The following PMEPA1 variants were observed in gnomAD, a reference collection of about 807,000 sequenced individuals.
PMEPA1 encodes protein TMEPAI.
Under a neutral mutation model 23.0 loss-of-function variants are expected in PMEPA1, and 11 were observed. That is an observed-to-expected ratio of 0.48 (90% confidence interval 0.30 to 0.79). The LOEUF (loss-of-function observed/expected upper bound fraction) is 0.79. Ranked by LOEUF, PMEPA1 falls within the 30% of genes least tolerant of loss-of-function variation. The pLI, the probability that PMEPA1 is intolerant of heterozygous loss-of-function variation, is 0.06. For synonymous variants in PMEPA1, 204 were observed against 166.4 expected (o/e 1.23, Z -1.74); for missense variants, 377 against 390.9 (o/e 0.96, Z 0.30).
chr20:57,657,166 C>T (rs1300655942), intron 2 of PMEPA1, among the ~76,000 whole-genome samples: 4 of 152,190 alleles, frequency 2.6e-5, no homozygotes, highest in Non-Finnish European at 5.9e-5. Flanking sequence ...GTACGGTACA[C>T]TCTCCACTAA....
At chr20:57,706,387 G>A (rs1027862018) in intron 1 of PMEPA1, among the ~76,000 whole-genome samples, 7 of 152,154 alleles carry the variant, frequency 4.6e-5, no homozygotes, top group Non-Finnish European at 1.0e-4. Context: ...AAAAGTAGCC[G>A]CTTCAAGCTC....
At chr20:57,710,121 G>A (rs1021938443), upstream of PMEPA1, 3 of 808,128 alleles carry the variant, frequency 3.7e-6, no homozygotes, top group African/African-American at 3.6e-5. Context: ...TCCCCGAGCC[G>A]GGGGGCGGGG....
At chr20:57,689,480 C>T (rs1330455617) in intron 1 of PMEPA1, among the ~76,000 whole-genome samples, 3 of 152,190 alleles carry the variant, frequency 2.0e-5, no homozygotes, top group Admixed American at 2.0e-4. Context: ...GACACCACCC[C>T]GTTCCTCCTG....
chr20:57,706,623 C>T (rs1372068498), intron 1 of PMEPA1, among the ~76,000 whole-genome samples: 2 of 152,140 alleles, frequency 1.3e-5, no homozygotes, highest in Admixed American at 6.5e-5. Flanking sequence ...TGGCTCCCGG[C>T]GTACAAAGGG....
In PMEPA1 at chr20:57,689,352, G is replaced by A. The variant is rs530849397; in HGVS notation, c.109+20122C>T. 3.3e-5 allele frequency among the ~76,000 whole-genome samples: 5 copies of A among 152,282 alleles called. No individual in the cohort carries two copies. In the East Asian group the frequency reaches 5.8e-4, roughly 18 times the overall value. ...GAGTGTCTAGACCGCCAGTCTGAACGTGAGAAGGGGGTATTGTGTGACCAG... is the reference window on the plus strand; with the variant it reads ...GAGTGTCTAGACCGCCAGTCTGAACATGAGAAGGGGGTATTGTGTGACCAG... On this transcript the variant is annotated intron_variant, in intron 1 of 3. Coordinates refer to ENST00000341744, the MANE Select transcript of PMEPA1 (RefSeq NM_020182.5).
At chr20:57,654,527 CCTCGT>C (rs1198005157) in intron 2 of PMEPA1, among the ~76,000 whole-genome samples, 1 of 152,098 alleles carries the variant, frequency 6.6e-6, no homozygotes, top group Non-Finnish European at 1.5e-5. Context: ...GTCTTAACTG[CCTCGT>C]CTCCTGATTT....
intron 1 of PMEPA1, among the ~76,000 whole-genome samples, chr20:57,663,405 C>G (rs572171601): frequency 4.9e-4 from 74 of 152,172 alleles, no homozygotes; most frequent in African/African-American, 1.7e-3. Context: ...CGCAGTCTCC[C>G]TGTGTCAGCG....
At chr20:57,698,113 C>A (rs972755857) in intron 1 of PMEPA1, among the ~76,000 whole-genome samples, 2 of 152,170 alleles carry the variant, frequency 1.3e-5, no homozygotes, top group Admixed American at 1.3e-4. Flanking sequence ...GGGCATCCCT[C>A]CCGTGTCAGC....
intron 1 of PMEPA1, among the ~76,000 whole-genome samples, chr20:57,677,721 G>C (rs1400714226): frequency 6.6e-6 from 1 of 152,188 alleles, no homozygotes; most frequent in Non-Finnish European, 1.5e-5. Flanking sequence ...ACAAAAACCT[G>C]TGCATGAGTG....
intron 1 of PMEPA1, among the ~76,000 whole-genome samples, chr20:57,701,950 C>T (rs536409236): frequency 1.2e-4 from 18 of 152,234 alleles, no homozygotes; most frequent in African/African-American, 3.9e-4. Context: ...CACAAAGATT[C>T]GATTACTGCC....
At chr20:57,659,412 C>G in intron 2 of PMEPA1, 131 bp downstream of exon 2, 1 of 986,630 alleles carries the variant, frequency 1.0e-6, no homozygotes, top group African/African-American at 1.6e-5. Flanking sequence ...GTCAGGTGGG[C>G]TCCCCAGCCC....
chr20:57,689,792 C>T (rs541787111), intron 1 of PMEPA1, among the ~76,000 whole-genome samples: 104 of 152,066 alleles, frequency 6.8e-4, no homozygotes, highest in Non-Finnish European at 1.1e-3. Flanking sequence ...AGGGACCTGT[C>T]GTAAAAAGAG....
rs575338055 is a variant in PMEPA1, at chr20:57,689,110, C to G, written c.109+20364G>C. Among the ~76,000 whole-genome samples, 7 of 152,108 alleles carry G rather than the reference C, an allele frequency of 4.6e-5. No homozygotes were observed. In the South Asian group the frequency reaches 1.0e-3, roughly 22 times the overall value. On this transcript the variant is annotated intron_variant, in intron 1 of 3. Transcript: ENST00000341744. ...GCGTCAGCTTGATTGGGTTTCAAAA[C>G]GCGTTTCTGTTTGGGAGCTGCCTCT...
At chr20:57,664,843 A>G (rs917610154) in intron 1 of PMEPA1, among the ~76,000 whole-genome samples, 1 of 152,246 alleles carries the variant, frequency 6.6e-6, no homozygotes, top group Non-Finnish European at 1.5e-5. Flanking sequence ...TCTGCAGGGC[A>G]GGCGGCTTCA....
chr20:57,678,002 T>C (rs949596826), intron 1 of PMEPA1, among the ~76,000 whole-genome samples: 1 of 152,278 alleles, frequency 6.6e-6, no homozygotes, highest in Non-Finnish European at 1.5e-5. Flanking sequence ...AATAACAATA[T>C]TATAGAAATG....
At chr20:57,676,440 GCAAGCATGGTGAATGCGT>G in intron 1 of PMEPA1, among the ~76,000 whole-genome samples, 1 of 152,380 alleles carries the variant, frequency 6.6e-6, no homozygotes, top group Non-Finnish European at 1.5e-5. Flanking sequence ...TGCTGACCGG[GCAAGCATGGTGAATGCGT>G]CAAGGATGTC....
chr20:57,685,667 G>A (rs887258190), intron 1 of PMEPA1, among the ~76,000 whole-genome samples: 2 of 152,060 alleles, frequency 1.3e-5, no homozygotes, highest in Admixed American at 6.5e-5. Flanking sequence ...TGCCCTCCAG[G>A]TCGCTCTTAA....
intron 1 of PMEPA1, among the ~76,000 whole-genome samples, chr20:57,661,789 G>T (rs1291370882): frequency 6.6e-6 from 1 of 152,212 alleles, no homozygotes; most frequent in African/African-American, 2.4e-5. Flanking sequence ...ATCCTAGGTG[G>T]GAATGTCACT....
At chr20:57,678,549 T>C (rs1419976761) in intron 1 of PMEPA1, among the ~76,000 whole-genome samples, 1 of 152,062 alleles carries the variant, frequency 6.6e-6, no homozygotes, top group East Asian at 1.9e-4. Flanking sequence ...AGAAGCCGCT[T>C]CCCTCTCTCG....
Sources: gnomAD v4.1 joint callset for allele counts (sites outside exome capture counted in the v4.1 genomes callset) on GRCh38, gnomAD v4.1.1 for gene constraint, MANE v1.5 for transcripts, NCBI Gene and HGNC (gene_info 2026-07-23, HGNC 2026-07-21) for gene names.